MDGA1: variants seen among roughly 807,000 people sequenced by gnomAD.
The protein encoded by MDGA1 is MAM domain containing glycosylphosphatidylinositol anchor 1, also known as MAM domain-containing glycosylphosphatidylinositol anchor protein 1.
In MDGA1, 54 loss-of-function variants were observed where a neutral mutation model predicts 101.5. The observed-to-expected ratio is 0.53, with a 90% confidence interval of 0.43 to 0.67. The LOEUF (loss-of-function observed/expected upper bound fraction) is 0.67, where lower values mean the gene tolerates loss of function less well. MDGA1 is among the 30% of genes least tolerant of loss of function. The probability of loss-of-function intolerance (pLI) is 0.00; values close to 1 mark genes in which losing one functional copy is unlikely to be tolerated. For missense variants in MDGA1, 1,083 were observed against 1,323.8 expected, an observed-to-expected ratio of 0.82 and a Z score of 2.82; for synonymous variants, 533 against 558.3, an observed-to-expected ratio of 0.95 and a Z score of 0.64.
In MDGA1 at chr6:37,696,502, A is replaced by G. The variant is rs372948134; in HGVS notation, c.67+243T>C. On this transcript the variant is annotated intron_variant, in intron 1 of 16. Transcript: ENST00000434837. This position sits in a 1 kb window ranked among gnomAD's most constrained non-coding sequence, Gnocchi z 5.6. ...GTTCCTAATCATTCCCACCTCTAGC[A>G]GGGTGTGGGAAAGTGGGTGCCTCCT... Among the ~76,000 whole-genome samples, 5 of 152,106 alleles carry G rather than the reference A, an allele frequency of 3.3e-5. No individual in the cohort carries two copies. Among genetic ancestry groups the G allele is most frequent in the Admixed American group, 3.3e-4 (5 of 15,284 alleles).
At chr6:37,661,766 T>C (rs146751484) in intron 2 of MDGA1, among the ~76,000 whole-genome samples, 114 of 152,150 alleles carry the variant, frequency 7.5e-4, no homozygotes, top group Non-Finnish European at 1.4e-3. Flanking sequence ...TGAATGAATC[T>C]GGTAAATGAA....
Position 37,631,411 on chromosome 6 carries a change from G to C in MDGA1, c.*5957C>G, listed in dbSNP as rs1036240108. 6.6e-6 allele frequency: 1 copy of C among 152,204 alleles called. No individual in the cohort carries two copies. Among genetic ancestry groups the C allele is most frequent in the African/African-American group, 2.4e-5 (1 of 41,436 alleles). 9.4% of individuals were successfully genotyped at this position (152,204 alleles called of 1,614,324 possible). On this transcript the variant is annotated 3_prime_UTR_variant, in exon 17 of 17. Transcript: ENST00000434837. The stretch of plus-strand genomic sequence containing the variant: ...GAAAGGCCAGGTGTGCCAGCAAGAA[G>C]TTACCCAACATGAGAGCCAATAAAA...
intron 12 of MDGA1, among the ~76,000 whole-genome samples, chr6:37,645,644 A>T (rs774806517): frequency 2.6e-5 from 4 of 152,112 alleles, no homozygotes; most frequent in Non-Finnish European, 4.4e-5. Flanking sequence ...AGAACCCCTG[A>T]CTCAGGCAAC....
At chr6:37,651,906 C>T (rs963414320) in intron 7 of MDGA1, 105 bp downstream of exon 7, 4 of 931,206 alleles carry the variant, frequency 4.3e-6, no homozygotes, top group Non-Finnish European at 6.3e-6. Flanking sequence ...GTGGTGGCCT[C>T]CTCACTCTGG....
rs1470644460 is a variant in MDGA1 at position 37,655,806 on chromosome 6, G to T, written c.473C>A (p.Thr158Asn). 3 of 1,613,578 alleles carry T rather than the reference G, an allele frequency of 1.9e-6. No homozygotes were observed. Among genetic ancestry groups the T allele is most frequent in the African/African-American group, 1.3e-5 (1 of 74,924 alleles). The change falls in exon 4 of 17, where the codon ACT becomes AAT. Residue 158 changes from threonine (T) to asparagine (N), a missense_variant. Coordinates refer to ENST00000434837, the MANE Select transcript of MDGA1 (RefSeq NM_153487.4). This position sits in a 1 kb window ranked among gnomAD's most constrained non-coding sequence, Gnocchi z 5.1. ...GCGGGCAGGCGGGTTGGAGTTGACA[G>T]TACAGCGCAGGAACACCGTCTTCTC... ...YQEKTVFLRCTVNSNPPARFI... is the reference protein window; with the variant it reads ...YQEKTVFLRCNVNSNPPARFI...
intron 1 of MDGA1, among the ~76,000 whole-genome samples, chr6:37,669,795 C>T (rs562933376): frequency 1.3e-5 from 2 of 152,336 alleles, no homozygotes; most frequent in Admixed American, 6.5e-5. Context: ...ATAAATGCTT[C>T]TGGGCCAGGC....
At position 37,637,264 on chromosome 6, in the gene MDGA1, G is replaced by A; in HGVS notation, c.*104C>T. 1 of 915,322 alleles carries A rather than the reference G, an allele frequency of 1.1e-6. No homozygotes were observed. Among genetic ancestry groups the A allele is most frequent in the South Asian group, 1.6e-5 (1 of 64,278 alleles). The allele number at this position is 915,322 out of a possible 1,614,324, so 56.7% of individuals were successfully genotyped here. On this transcript the variant is annotated 3_prime_UTR_variant, in exon 17 of 17. Coordinates refer to ENST00000434837, the MANE Select transcript of MDGA1 (RefSeq NM_153487.4). The stretch of plus-strand genomic sequence containing the variant: ...TGCAGGCCCCCTCCCTGGCGGGCCG[G>A]CCCTGCCCCTGGGCACCCCAGCTGG...
At position 37,655,106 on chromosome 6, in the gene MDGA1, T is replaced by C; in HGVS notation, c.580-174A>G. On this transcript the variant is annotated intron_variant, in intron 4 of 16. Transcript: ENST00000434837. This position sits in a 1 kb window ranked among gnomAD's most constrained non-coding sequence, Gnocchi z 5.1. ...GGGGTCCTGAGCCTGGGGTGGATGC[T>C]ACACTCTCCATAGCCTTGGCAGTGC... 2.7e-6 allele frequency: 2 copies of C among 730,176 alleles called. No individual in the cohort carries two copies. Among genetic ancestry groups the C allele is most frequent in the Non-Finnish European group, 4.4e-6 (2 of 453,444 alleles). 45.2% of individuals were successfully genotyped at this position (730,176 alleles called of 1,614,324 possible). A position where few individuals can be genotyped will look rare whatever the true frequency, so the allele number is the denominator to read the frequency against.
At chr6:37,656,101 CAG>C (rs1761481659) in intron 3 of MDGA1, among the ~76,000 whole-genome samples, 2 of 143,870 alleles carry the variant, frequency 1.4e-5, no homozygotes, top group East Asian at 2.1e-4. Context: ...TCTTTTGAGA[CAG>C]AGTCTTGCTC....
Position 37,647,314 on chromosome 6 carries a change from G to C in MDGA1, c.1905C>G (p.Tyr635Ter). The C allele has an allele frequency of 6.5e-7, 1 of 1,546,944 alleles. No homozygotes were observed. Among genetic ancestry groups the C allele is most frequent in the Non-Finnish European group, 8.7e-7 (1 of 1,144,390 alleles). Residue 635 changes from tyrosine (Y) to a stop codon, truncating the protein, a stop_gained, in exon 10 of 17, where the codon TAC (tyrosine) becomes TAG (stop). Coordinates refer to ENST00000434837, the MANE Select transcript of MDGA1 (RefSeq NM_153487.4). LOFTEE classifies it high-confidence loss of function. ...GGGTGTCGAAGTAAAACTCCGGGCT[G>C]TAGGCTTTGGCTAAGAGGGCGGGGA... is the stretch of plus-strand genomic sequence containing the variant. ...ACLFQVSAKA[Y>*]SPEFYFDTPN...
rs922634721 is a variant in MDGA1, at chr6:37,696,900, G to A, written c.-89C>T. On this transcript the variant is annotated 5_prime_UTR_variant, in exon 1 of 17. Coordinates refer to ENST00000434837, the MANE Select transcript of MDGA1 (RefSeq NM_153487.4). The surrounding 1 kb of genome is among the most constrained non-coding windows in gnomAD (Gnocchi z 5.6). Reference sequence around the variant, plus strand: ...CGCCGGGGCCCCGCGACGCCCCTATGTCCCCCCCTTTCCCTGAGAGGTGAG... The same window carrying A: ...CGCCGGGGCCCCGCGACGCCCCTATATCCCCCCCTTTCCCTGAGAGGTGAG... 4.7e-6 allele frequency: 5 copies of A among 1,061,018 alleles called. No individual in the cohort carries two copies. The highest frequency in any genetic ancestry group is 5.2e-5 in the East Asian group (2 of 38,662). The allele number at this position is 1,061,018 out of a possible 1,614,324, so 65.7% of individuals were successfully genotyped here.
intron 1 of MDGA1, among the ~76,000 whole-genome samples, chr6:37,695,450 A>C (rs1315106381): frequency 6.6e-6 from 1 of 152,238 alleles, no homozygotes; most frequent in Non-Finnish European, 1.5e-5. Context: ...AAACTAATTA[A>C]GAAGCAGAGT....
intron 1 of MDGA1, among the ~76,000 whole-genome samples, chr6:37,690,723 G>A (rs1762291273): frequency 6.8e-6 from 1 of 146,688 alleles, no homozygotes; most frequent in Non-Finnish European, 1.5e-5. Context: ...GTTGCGGTGA[G>A]CCAAGATTGT....
Position 37,649,202 on chromosome 6 carries a change from C to A in MDGA1, c.1674G>T (p.Leu558=). ...VRQALGRPVL[L]RCSLLRGSPQ... ...GGCTGCCTCGCAGCAGCGAGCAGCG[C>A]AGGAGCACGGGCCGGCCCAGCGCCT... is the stretch of plus-strand genomic sequence containing the variant. The change falls in exon 9 of 17, where the codon CTG becomes CTT. Residue 558 remains leucine, a synonymous_variant. Transcript: ENST00000434837. 2 of 1,509,678 alleles carry A rather than the reference C, an allele frequency of 1.3e-6. No individual in the cohort carries two copies. Among genetic ancestry groups the A allele is most frequent in the South Asian group, 2.5e-5 (2 of 81,180 alleles). 93.5% of individuals were successfully genotyped at this position (1,509,678 alleles called of 1,614,324 possible).
chr6:37,658,099 C>A, intron 3 of MDGA1, 146 bp downstream of exon 3: 1 of 868,426 alleles, frequency 1.2e-6, no homozygotes, highest in East Asian at 2.9e-5. Context: ...GTGGTACACA[C>A]CGCCTGGTAC....
chr6:37,648,842 G>C, intron 9 of MDGA1, 140 bp downstream of exon 9: 1 of 1,393,736 alleles, frequency 7.2e-7, no homozygotes, highest in Non-Finnish European at 9.3e-7. Context: ...TCTTGGAAAG[G>C]CCGGGGCTAA....
chr6:37,661,526 A>G (rs1761623737), intron 2 of MDGA1, among the ~76,000 whole-genome samples: 1 of 152,220 alleles, frequency 6.6e-6, no homozygotes, highest in Non-Finnish European at 1.5e-5. Context: ...CATGTAGCAG[A>G]TGCTCAATAA....
chr6:37,666,820 C>T (rs1177937297), intron 1 of MDGA1, among the ~76,000 whole-genome samples: 2 of 152,164 alleles, frequency 1.3e-5, no homozygotes, highest in Admixed American at 1.3e-4. Context: ...ACAGAGGGGT[C>T]CATGGAAAAG....
At position 37,646,366 on chromosome 6, in the gene MDGA1, G is replaced by C; in HGVS notation, c.2056C>G (p.His686Asp). 6.6e-7 allele frequency: 1 copy of C among 1,523,264 alleles called. No individual in the cohort carries two copies. Among genetic ancestry groups the C allele is most frequent in the East Asian group, 2.3e-5 (1 of 42,624 alleles). The allele number at this position is 1,523,264 out of a possible 1,614,324, so 94.4% of individuals were successfully genotyped here. ...YRLSIRQLNQ[H>D]NAVVKAIPVR... ...GGGATGGCCTTGACCACCGCATTGT[G>C]CTGGTTCAACTGTTAAGTACAGAGA... The change falls in exon 11 of 17, where the codon CAC becomes GAC. Residue 686 changes from histidine (H) to aspartate (D), a missense_variant. This residue lies in a region of MDGA1 where 657 missense variants were observed against 771.4 expected (regional missense o/e 0.85). Coordinates refer to ENST00000434837, the MANE Select transcript of MDGA1 (RefSeq NM_153487.4).
Sources: allele counts gnomAD v4.1 joint callset (sites outside exome capture counted in the v4.1 genomes callset), GRCh38; gene constraint gnomAD v4.1.1; regional missense constraint gnomAD v4.1.1; non-coding constraint Gnocchi (gnomAD v3.1); transcripts MANE v1.5; gene names NCBI Gene and HGNC (gene_info 2026-07-23, HGNC 2026-07-21).